Variants in ZFHX3 observed in about 807,000 individuals in gnomAD.
ZFHX3 encodes zinc finger homeobox 3, also known as zinc finger homeobox protein 3.
ZFHX3 carries 42 observed loss-of-function variants against 279.1 expected under a neutral mutation model. The observed-to-expected ratio is 0.15, with a 90% CI of 0.12 to 0.19. The LOEUF (loss-of-function observed/expected upper bound fraction) is 0.19. Among genes scored for constraint, ZFHX3 ranks in the 10% least tolerant of loss-of-function variants. The pLI, the probability that ZFHX3 is intolerant of heterozygous loss-of-function variation, is 1.00. For synonymous variants in ZFHX3, 2,293 were observed against 1,957.8 expected, an observed-to-expected ratio of 1.17 and a Z score of -4.52; for missense variants, 4,981 against 4,754.0, an observed-to-expected ratio of 1.05 and a Z score of -1.40.
At chr16:73,612,922 G>C (rs1415512126) in intron 2 of ZFHX3, among the ~76,000 whole-genome samples, 1 of 151,892 alleles carries the variant, frequency 6.6e-6, no homozygotes. Context: ...ATTTAGGATG[G>C]TTAAAAAAAG....
chr16:73,067,523 T>G (rs1965770630), intron 8 of ZFHX3, among the ~76,000 whole-genome samples: 1 of 152,146 alleles, frequency 6.6e-6, no homozygotes. Flanking sequence ...GTCTCCCCCA[T>G]TATTTTGCCT....
rs1416492829 is a variant in ZFHX3 at position 72,796,126 on chromosome 16, G to C, written c.6556C>G (p.Gln2186Glu). 1.2e-6 allele frequency: 2 copies of C among 1,614,118 alleles called. No individual in the cohort carries two copies. Among genetic ancestry groups the C allele is most frequent in the Non-Finnish European group, 1.7e-6 (2 of 1,180,020 alleles). ...KEMADKSGLP[Q>E]KVIKHWFRNT... ...CTGAACCAGTGCTTGATCACTTTCT[G>C]GGGCAACCCGGACTTGTCTGCCATC... Residue 2186 changes from glutamine (Q) to glutamate (E), a missense_variant, in exon 9 of 10, where the codon CAG (glutamine) becomes GAG (glutamate). Physicochemically the swap from Gln to Glu is conservative, Grantham distance 29. Around this residue, in one of 7 missense-constraint regions of ZFHX3, gnomAD observed 177 missense variants for 244.2 expected, o/e 0.72. Transcript: ENST00000268489.
intron 1 of ZFHX3, among the ~76,000 whole-genome samples, chr16:73,883,399 ATG>A (rs34914604): frequency 0.019 from 2,840 of 149,078 alleles, 38 homozygotes; most frequent in East Asian, 0.051. Flanking sequence ...AGCCATATAT[ATG>A]TGTGTGTGTG....
chr16:72,834,499 G>C (rs1308885477), intron 4 of ZFHX3, among the ~76,000 whole-genome samples: 1 of 152,178 alleles, frequency 6.6e-6, no homozygotes, highest in African/African-American at 2.4e-5. Context: ...AATCAAAGTG[G>C]TTTTGCTGAC....
In ZFHX3 at chr16:72,787,447, G is replaced by T; in HGVS notation, c.10829C>A (p.Pro3610His). ...PSAAAPSSASPHASRKSWPQV... is the reference protein window; with the variant it reads ...PSAAAPSSASHHASRKSWPQV... ...CGGCCAAGACTTCCTGGAGGCGTGG[G>T]GGGAAGCGGAGGAGGGGGCGGCGGC... Residue 3610 changes from proline to histidine, a missense_variant, in exon 10 of 10, where the codon CCC becomes CAC. Pro to His is a moderately conservative substitution (Grantham distance 77). This residue lies in a region of ZFHX3 where 1,034 missense variants were observed against 786.0 expected (regional missense o/e 1.32). Coordinates refer to ENST00000268489, the MANE Select transcript of ZFHX3 (RefSeq NM_006885.4). 6.2e-7 allele frequency: 1 copy of T among 1,605,316 alleles called. No homozygotes were observed. The highest frequency in any genetic ancestry group is 8.5e-7 in the Non-Finnish European group (1 of 1,174,530).
At chr16:73,656,251 C>T (rs1337797335) in intron 2 of ZFHX3, among the ~76,000 whole-genome samples, 1 of 152,198 alleles carries the variant, frequency 6.6e-6, no homozygotes, top group Non-Finnish European at 1.5e-5. Context: ...AAATTTTCAC[C>T]AGGTGGCCCT....
chr16:72,874,774 G>A (rs993568094), intron 4 of ZFHX3, among the ~76,000 whole-genome samples: 4 of 152,046 alleles, frequency 2.6e-5, no homozygotes, highest in African/African-American at 4.8e-5. Flanking sequence ...CATTGCCGGC[G>A]TAAGCCACCA....
intron 1 of ZFHX3, among the ~76,000 whole-genome samples, chr16:73,835,459 T>A (rs1427478734): frequency 1.7e-5 from 1 of 59,512 alleles, no homozygotes; most frequent in Non-Finnish European, 3.5e-5. Context: ...CCTCTTCTGC[T>A]TTTTTTTTTT....
intron 5 of ZFHX3, among the ~76,000 whole-genome samples, chr16:72,817,995 T>C (rs1311047257): frequency 6.6e-6 from 1 of 152,186 alleles, no homozygotes; most frequent in Admixed American, 6.5e-5. Flanking sequence ...AAGCCAGAGG[T>C]TCTCATCGCC....
chr16:72,930,588 A>G (rs563048352), intron 3 of ZFHX3, among the ~76,000 whole-genome samples: 1 of 152,362 alleles, frequency 6.6e-6, no homozygotes, highest in East Asian at 1.9e-4. Context: ...TTAAAGGGCT[A>G]TGGAGCAGAC....
rs1218359306 is a variant in ZFHX3 at position 72,788,577 on chromosome 16, C to T, written c.9699G>A (p.Lys3233=). ...CCTTTACTTTCTCACTGTCTTTGTCCTTGCGTTGCTGCTGCTGTTGCAGTG... is the reference window on the plus strand; with the variant it reads ...CCTTTACTTTCTCACTGTCTTTGTCTTTGCGTTGCTGCTGCTGTTGCAGTG... ...QLPLQQQQQR[K]DKDSEKVKEK... Residue 3233 remains lysine (K), a synonymous_variant, in exon 10 of 10, where the codon AAG becomes AAA. Coordinates refer to ENST00000268489, the MANE Select transcript of ZFHX3 (RefSeq NM_006885.4). The T allele has an allele frequency of 9.3e-6, 15 of 1,613,990 alleles. No individual in the cohort carries two copies. Among genetic ancestry groups the T allele is most frequent in the Non-Finnish European group, 1.2e-5 (14 of 1,179,992 alleles).
At chr16:73,464,043 T>A (rs2018518416) in intron 2 of ZFHX3, among the ~76,000 whole-genome samples, 1 of 152,198 alleles carries the variant, frequency 6.6e-6, no homozygotes, top group South Asian at 2.1e-4. Context: ...GCAAACCAGA[T>A]CCATTCCATT....
At chr16:73,393,141 G>T (rs143525223) in intron 3 of ZFHX3, among the ~76,000 whole-genome samples, 1 of 152,236 alleles carries the variant, frequency 6.6e-6, no homozygotes, top group East Asian at 1.9e-4. Context: ...GGCCAGGAAA[G>T]AAGTTTCATT....
chr16:72,889,880 T>C lies in ZFHX3; in HGVS notation c.3299A>G (p.Lys1100Arg), dbSNP rs1382070342. Residue 1100 changes from lysine to arginine, a missense_variant, in exon 4 of 10, where the codon AAG becomes AGG. Transcript: ENST00000268489. ...CVLCNYSTKA[K>R]LNLIQHVRSM... is the part of the protein sequence containing the mutation. Reference sequence around the variant, plus strand: ...GCGCACATGCTGGATGAGGTTGAGCTTGGCCTTGGTGGAGTAGTTGCACAG... The same window carrying C: ...GCGCACATGCTGGATGAGGTTGAGCCTGGCCTTGGTGGAGTAGTTGCACAG... 6.2e-7 allele frequency: 1 copy of C among 1,614,208 alleles called. No homozygotes were observed. The highest frequency in any genetic ancestry group is 1.1e-5 in the South Asian group (1 of 91,082).
At chr16:73,704,614 T>C (rs2053286078) in intron 1 of ZFHX3, among the ~76,000 whole-genome samples, 1 of 152,214 alleles carries the variant, frequency 6.6e-6, no homozygotes, top group African/African-American at 2.4e-5. Flanking sequence ...GAACCATTCT[T>C]ATTATTTGTC....
At position 73,712,104 on chromosome 16, in the gene ZFHX3, G is replaced by A. The variant is rs764979738; in HGVS notation, c.-1607-31864C>T. Among the ~76,000 whole-genome samples the A allele has an allele frequency of 1.9e-4, 29 of 152,334 alleles. 1 individual carries two copies. The highest frequency in any genetic ancestry group is 2.2e-4 in the Non-Finnish European group (15 of 68,026). ...GAGGATGGAGAGATGAGGGAGGAAT[G>A]GTGAGGTCTGGTCCTGAGCCTAAGA... On this transcript the variant is annotated intron_variant, in intron 1 of 17. Transcript: ENST00000641206.
At chr16:72,951,639 C>T (rs1201865723) in intron 2 of ZFHX3, among the ~76,000 whole-genome samples, 1 of 152,204 alleles carries the variant, frequency 6.6e-6, no homozygotes, top group African/African-American at 2.4e-5. Flanking sequence ...CTGGATATAA[C>T]AGAATCTCAA....
intron 2 of ZFHX3, among the ~76,000 whole-genome samples, chr16:73,517,679 G>C (rs2019545979): frequency 6.6e-6 from 1 of 152,114 alleles, no homozygotes; most frequent in Non-Finnish European, 1.5e-5. Flanking sequence ...AGGGAGCTGG[G>C]GTATTTATAC....
At chr16:72,820,015 G>A (rs772414416) in intron 5 of ZFHX3, among the ~76,000 whole-genome samples, 13 of 152,258 alleles carry the variant, frequency 8.5e-5, no homozygotes, top group Non-Finnish European at 8.8e-5. Context: ...GGCTTCCCTC[G>A]GTCAGGCACC....
Sources: allele counts gnomAD v4.1 joint callset (sites outside exome capture counted in the v4.1 genomes callset), GRCh38; gene constraint gnomAD v4.1.1; regional missense constraint gnomAD v4.1.1; transcripts MANE v1.5; gene names NCBI Gene and HGNC (gene_info 2026-07-23, HGNC 2026-07-21).